The following MIPEP variants were observed in gnomAD, a reference collection of about 807,000 sequenced individuals.
MIPEP encodes mitochondrial intermediate peptidase.
In MIPEP, 79 loss-of-function variants were observed where a neutral mutation model predicts 90.3. The ratio of observed to expected loss-of-function variants is 0.87; its 90% confidence interval spans 0.73 to 1.05. The LOEUF (loss-of-function observed/expected upper bound fraction) is 1.05. Among genes scored for constraint, MIPEP ranks in the 50% least tolerant of loss-of-function variants. The pLI, the probability that MIPEP is intolerant of heterozygous loss-of-function variation, is 0.00. For missense variants in MIPEP, 940 were observed against 905.6 expected (o/e 1.04, Z -0.49); for synonymous variants, 334 against 315.8 (o/e 1.06, Z -0.61).
intron 1 of MIPEP, among the ~76,000 whole-genome samples, chr13:23,887,437 T>C (rs1230889058): frequency 6.6e-6 from 1 of 152,188 alleles, no homozygotes; most frequent in Non-Finnish European, 1.5e-5. Flanking sequence ...TTTAAGACGT[T>C]AGAAAAAACT....
intron 10 of MIPEP, among the ~76,000 whole-genome samples, chr13:23,852,524 CATT>C (rs939617313): frequency 1.3e-5 from 2 of 152,174 alleles, no homozygotes; most frequent in Non-Finnish European, 2.9e-5. Flanking sequence ...CACCTAGTAA[CATT>C]GTAGCTGTCA....
chr13:23,776,150 G>A (rs1212239531), intron 16 of MIPEP, among the ~76,000 whole-genome samples: 1 of 151,738 alleles, frequency 6.6e-6, no homozygotes, highest in Admixed American at 6.6e-5. Flanking sequence ...ATCTGCTCAT[G>A]TCACTTCTCT....
At chr13:23,859,180 T>C (rs1870179412) in intron 9 of MIPEP, among the ~76,000 whole-genome samples, 1 of 152,050 alleles carries the variant, frequency 6.6e-6, no homozygotes, top group African/African-American at 2.4e-5. Flanking sequence ...AAGTGGTATC[T>C]AACAAAAGTA....
chr13:23,820,699 C>G (rs1953296287), intron 14 of MIPEP, among the ~76,000 whole-genome samples: 2 of 152,192 alleles, frequency 1.3e-5, no homozygotes, highest in Non-Finnish European at 1.5e-5. Flanking sequence ...CAGGCCAGCA[C>G]AGCCCCCAGA....
chr13:23,756,453 G>T, intron 18 of MIPEP, 92 bp downstream of exon 18: 2 of 1,337,212 alleles, frequency 1.5e-6, no homozygotes, highest in Non-Finnish European at 2.1e-6. Flanking sequence ...CACCACACCT[G>T]GCCTAAAACA....
intron 18 of MIPEP, among the ~76,000 whole-genome samples, chr13:23,751,166 A>T (rs1482280571): frequency 6.6e-6 from 1 of 152,210 alleles, no homozygotes; most frequent in Admixed American, 6.5e-5. Context: ...ATCTTCTTGG[A>T]GCATGGAGGT....
intron 2 of MIPEP, among the ~76,000 whole-genome samples, chr13:23,882,141 G>A (rs929263407): frequency 1.3e-5 from 2 of 150,028 alleles, no homozygotes; most frequent in Non-Finnish European, 3.0e-5. Context: ...GCAATCTCAG[G>A]TCACTGCAAG....
rs74809130 is a variant in MIPEP, at chr13:23,853,482, T to C, written c.1106+5378A>G. ...GAGCGACAGGCTATACCAGAGAGCATAGGCGTGTGTGTAGGCTATACCCTT... is the reference window on the plus strand; with the variant it reads ...GAGCGACAGGCTATACCAGAGAGCACAGGCGTGTGTGTAGGCTATACCCTT... On this transcript the variant is annotated intron_variant, in intron 10 of 18. Coordinates refer to ENST00000382172, the MANE Select transcript of MIPEP (RefSeq NM_005932.4). Among the ~76,000 whole-genome samples the C allele has an allele frequency of 8.4e-3, 1,285 of 152,166 alleles. 13 individuals carry two copies. Among genetic ancestry groups the C allele is most frequent in the African/African-American group, 0.03 (1,240 of 41,494 alleles).
chr13:23,822,519 T>TA (rs1176269037), intron 14 of MIPEP, among the ~76,000 whole-genome samples: 1 of 152,214 alleles, frequency 6.6e-6, no homozygotes, highest in Non-Finnish European at 1.5e-5. Flanking sequence ...TTCAATGACT[T>TA]AAACTTAGAT....
At chr13:23,785,920 T>C (rs1456340468) in intron 16 of MIPEP, among the ~76,000 whole-genome samples, 3 of 152,104 alleles carry the variant, frequency 2.0e-5, no homozygotes, top group African/African-American at 7.2e-5. Context: ...AGACGAATTA[T>C]AACGATGTAG....
intron 14 of MIPEP, among the ~76,000 whole-genome samples, chr13:23,829,876 A>G (rs1384534946): frequency 6.6e-6 from 1 of 152,244 alleles, no homozygotes; most frequent in Non-Finnish European, 1.5e-5. Flanking sequence ...TAATCAGAGA[A>G]CACTGCTGCT....
At chr13:23,755,079 T>C (rs955010667) in intron 18 of MIPEP, among the ~76,000 whole-genome samples, 2 of 151,854 alleles carry the variant, frequency 1.3e-5, no homozygotes, top group Non-Finnish European at 2.9e-5. Context: ...CTAAGAAGAG[T>C]CAATCAACAG....
At chr13:23,766,197 G>A (rs1253559173) in intron 16 of MIPEP, 2 of 152,228 alleles carry the variant, frequency 1.3e-5, no homozygotes, top group Non-Finnish European at 2.9e-5. Context: ...TTATTTGATA[G>A]ATGATGTAAG....
intron 10 of MIPEP, among the ~76,000 whole-genome samples, chr13:23,842,982 C>T (rs1213458009): frequency 6.6e-6 from 1 of 151,080 alleles, no homozygotes; most frequent in Admixed American, 6.6e-5. Flanking sequence ...CCTGTAATCC[C>T]AGCTACTCGG....
At chr13:23,860,717 T>C (rs529060905) in intron 9 of MIPEP, among the ~76,000 whole-genome samples, 1 of 152,312 alleles carries the variant, frequency 6.6e-6, no homozygotes, top group Non-Finnish European at 1.5e-5. Context: ...TGACAACCAA[T>C]TCTATGCCTA....
intron 18 of MIPEP, chr13:23,747,522 T>A (rs765738881): frequency 9.8e-6 from 5 of 507,784 alleles, no homozygotes; most frequent in South Asian, 5.8e-5. Flanking sequence ...TAAAACACCG[T>A]GACAGGAAGG....
chr13:23,767,706 C>T (rs1952605120), intron 16 of MIPEP, among the ~76,000 whole-genome samples: 1 of 152,164 alleles, frequency 6.6e-6, no homozygotes, highest in Non-Finnish European at 1.5e-5. Flanking sequence ...CCTGCCTCGG[C>T]TTCCCAAAGT....
At chr13:23,802,299 G>A (rs981812219) in intron 16 of MIPEP, among the ~76,000 whole-genome samples, 2 of 152,142 alleles carry the variant, frequency 1.3e-5, no homozygotes, top group East Asian at 3.9e-4. Context: ...CAATGGCCGG[G>A]CATGGTGGCT....
At chr13:23,820,619 T>C (rs555279304) in intron 14 of MIPEP, among the ~76,000 whole-genome samples, 3 of 152,300 alleles carry the variant, frequency 2.0e-5, no homozygotes, top group Admixed American at 6.5e-5. Flanking sequence ...TTTCCAGTCT[T>C]ATATTTACAC....
Sources: gnomAD v4.1 joint callset for allele counts (sites outside exome capture counted in the v4.1 genomes callset) on GRCh38, gnomAD v4.1.1 for gene constraint, MANE v1.5 for transcripts, NCBI Gene and HGNC (gene_info 2026-07-23, HGNC 2026-07-21) for gene names.